The following FLNC variants were observed in gnomAD, a reference collection of about 807,000 sequenced individuals.
FLNC encodes filamin-C.
A neutral mutation model predicts 254.3 loss-of-function variants in FLNC; 91 were observed. The ratio of observed to expected loss-of-function variants is 0.36; its 90% confidence interval spans 0.30 to 0.43. The LOEUF (loss-of-function observed/expected upper bound fraction) is 0.43. Among genes scored for constraint, FLNC ranks in the 20% least tolerant of loss-of-function variants. The pLI is 1.00. For missense variants in FLNC, 2,853 were observed against 3,802.6 expected (o/e 0.75, Z 6.57); for synonymous variants, 1,430 against 1,577.2 (o/e 0.91, Z 2.21).
rs374794518 is a variant in FLNC, at chr7:128,850,835, C to T, written c.5431C>T (p.Arg1811Trp). The stretch of plus-strand genomic sequence containing the variant: ...GCGGATGCCCTCGGGGAAGACGGCA[C>T]GGCCCAACATCACCGACAACAAGGA... The part of the protein sequence containing the change: ...EVRMPSGKTA[R>W]PNITDNKDGT... Residue 1811 changes from arginine to tryptophan, a missense_variant, in exon 33 of 48, where the codon CGG becomes TGG. By Grantham distance (101) the Arg-to-Trp change is moderately radical. Transcript: ENST00000325888. 40 of 1,613,714 alleles carry T rather than the reference C, an allele frequency of 2.5e-5. No homozygotes were observed. The highest frequency in any genetic ancestry group is 5.5e-5 in the South Asian group (5 of 91,068).
intron 1 of FLNC, among the ~76,000 whole-genome samples, chr7:128,833,306 C>T (rs1050647129): frequency 6.6e-6 from 1 of 152,246 alleles, no homozygotes; most frequent in African/African-American, 2.4e-5. Context: ...CAGCCCTCTC[C>T]TCCCCCTCCA....
chr7:128,837,285 A>C, intron 3 of FLNC, 28 bp downstream of exon 3: 1 of 1,507,360 alleles, frequency 6.6e-7, no homozygotes, highest in Non-Finnish European at 9.1e-7. Flanking sequence ...GCAGGGGGGA[A>C]AGGGGGCAGG....
At position 128,845,231 on chromosome 7, in the gene FLNC, T is replaced by C; in HGVS notation, c.3766T>C (p.Ser1256Pro). 1 of 1,613,672 alleles carries C rather than the reference T, an allele frequency of 6.2e-7. No homozygotes were observed. Residue 1256 changes from serine to proline, a missense_variant, in exon 21 of 48, where the codon TCA becomes CCA. Coordinates refer to ENST00000325888, the MANE Select transcript of FLNC (RefSeq NM_001458.5). ...GGTCGATACCAGTGGCGTCAAGGTC[T>C]CAGGGCCTGGTGTTGAGCCACACGG... Reference protein sequence around the residue: ...PAVDTSGVKVSGPGVEPHGVL... With the variant: ...PAVDTSGVKVPGPGVEPHGVL...
Position 128,847,694 on chromosome 7 carries a change from C to T in FLNC, c.4289-3C>T, listed in dbSNP as rs1434127330. 6.2e-7 allele frequency: 1 copy of T among 1,613,948 alleles called. No individual in the cohort carries two copies. ...GCAGGGTCTAATGTCCTTCTCCTCA[C>T]AGGGAGCCCGTTCCGCGTGCCAGTG... is the stretch of plus-strand genomic sequence containing the variant. On this transcript the variant is annotated splice_polypyrimidine_tract_variant and splice_region_variant and intron_variant, in intron 24 of 47. Transcript: ENST00000325888.
At chr7:128,843,773 T>G (rs1437842723) in intron 18 of FLNC, 23 bp from the exon 19 acceptor site, 2 of 1,605,106 alleles carry the variant, frequency 1.2e-6, no homozygotes, top group East Asian at 4.5e-5. Context: ...TATCCAGTTC[T>G]GACCTACCAT....
chr7:128,848,627 C>T lies in FLNC; in HGVS notation c.4647C>T (p.Leu1549=). ...AGGTGCGGGCCAGCGGCCCAGGCCT[C>T]AACGCCTCTGGCATCCCTGCCAGCC... The part of the protein sequence containing the change: ...ASKVRASGPG[L]NASGIPASLP... The change falls in exon 27 of 48, where the codon CTC becomes CTT. Residue 1549 remains leucine, a synonymous_variant. Coordinates refer to ENST00000325888, the MANE Select transcript of FLNC (RefSeq NM_001458.5). The T allele has an allele frequency of 6.2e-7, 1 of 1,613,710 alleles. No homozygotes were observed. The highest frequency in any genetic ancestry group is 8.5e-7 in the Non-Finnish European group (1 of 1,180,030).
Position 128,840,114 on chromosome 7 carries a change from C to T in FLNC, c.1503C>T (p.Thr501=), listed in dbSNP as rs756196607. ...AGGTGGCTGACTTCAAGGTGTTTAC[C>T]AAGGGTGCCGGCAGCGGGGAGCTCA... The part of the protein sequence containing the change: ...VKEVADFKVF[T]KGAGSGELKV... Residue 501 remains threonine, a synonymous_variant, in exon 9 of 48, where the codon ACC becomes ACT. Coordinates refer to ENST00000325888, the MANE Select transcript of FLNC (RefSeq NM_001458.5). The T allele has an allele frequency of 3.1e-6, 5 of 1,614,118 alleles. No homozygotes were observed. The highest frequency in any genetic ancestry group is 4.2e-6 in the Non-Finnish European group (5 of 1,180,034).
At chr7:128,833,942 G>A (rs1463527963) in intron 1 of FLNC, among the ~76,000 whole-genome samples, 3 of 152,170 alleles carry the variant, frequency 2.0e-5, no homozygotes, top group Non-Finnish European at 4.4e-5. Context: ...GGCGGCCAGA[G>A]CCCCAGCCAG....
At chr7:128,846,960 C>A in intron 24 of FLNC, 55 bp downstream of exon 24, 1 of 1,596,776 alleles carries the variant, frequency 6.3e-7, no homozygotes, top group Non-Finnish European at 8.6e-7. Context: ...GTGCAGGATG[C>A]TCGCCCCACA....
At chr7:128,851,021 A>C (rs1808786345) in intron 33 of FLNC, 78 bp downstream of exon 33, 1 of 1,582,472 alleles carries the variant, frequency 6.3e-7, no homozygotes, top group Non-Finnish European at 8.7e-7. Flanking sequence ...TCCCTCTTTC[A>C]ACAAATATTT....
chr7:128,844,046 G>C lies in FLNC; in HGVS notation c.2972G>C (p.Arg991Pro). The C allele has an allele frequency of 1.2e-6, 2 of 1,614,110 alleles. No individual in the cohort carries two copies. Among genetic ancestry groups the C allele is most frequent in the Non-Finnish European group, 1.7e-6 (2 of 1,180,040 alleles). The change falls in exon 20 of 48, where the codon CGA becomes CCA. Residue 991 changes from arginine (R) to proline (P), a missense_variant. Around this residue, in one of 10 missense-constraint regions of FLNC, gnomAD observed 1,573 missense variants for 1,883.5 expected, o/e 0.84. Transcript: ENST00000325888. ...GAACAAGCATTCTCTGTGAACACAC[G>C]AGGGGCTGGCGGTCAGGGCCAACTG... Reference protein sequence around the residue: ...GQEQAFSVNTRGAGGQGQLDV... With the variant: ...GQEQAFSVNTPGAGGQGQLDV...
Position 128,841,009 on chromosome 7 carries a change from G to A in FLNC, c.1813+39G>A. On this transcript the variant is annotated intron_variant, in intron 11 of 47. Coordinates refer to ENST00000325888, the MANE Select transcript of FLNC (RefSeq NM_001458.5). The surrounding 1 kb of genome is among the most constrained non-coding windows in gnomAD (Gnocchi z 4.3). ...GGGCAGGAGGAGGGAGTGCTGCGGG[G>A]GAGGGCAGCAGGGGACACTGTGGGT... 1 of 1,573,238 alleles carries A rather than the reference G, an allele frequency of 6.4e-7. No individual in the cohort carries two copies. Among genetic ancestry groups the A allele is most frequent in the Non-Finnish European group, 8.6e-7 (1 of 1,157,612 alleles).
chr7:128,848,615 C>T lies in FLNC; in HGVS notation c.4635C>T (p.Ser1545=), dbSNP rs371367894. 18 of 1,613,424 alleles carry T rather than the reference C, an allele frequency of 1.1e-5. No homozygotes were observed. The highest frequency in any genetic ancestry group is 4.0e-5 in the African/African-American group (3 of 74,944). The change falls in exon 27 of 48, where the codon AGC becomes AGT. Residue 1545 remains serine, a synonymous_variant. Transcript: ENST00000325888. ...PAHDASKVRA[S]GPGLNASGIP... is the part of the protein sequence containing the mutation. ...ATGATGCCAGCAAGGTGCGGGCCAG[C>T]GGCCCAGGCCTCAACGCCTCTGGCA...
chr7:128,838,121 G>A lies in FLNC; in HGVS notation c.1047+57G>A. On this transcript the variant is annotated intron_variant, in intron 6 of 47. Coordinates refer to ENST00000325888, the MANE Select transcript of FLNC (RefSeq NM_001458.5). ...GCTCTTCACATCCTTGGTTCCGGCT[G>A]CATGGACCCCTCTCTCAGCCTGTAC... is the stretch of plus-strand genomic sequence containing the variant. 9 of 1,531,338 alleles carry A rather than the reference G, an allele frequency of 5.9e-6. No individual in the cohort carries two copies. In the South Asian group the frequency reaches 1.0e-4, roughly 17 times the overall value. 94.9% of individuals were successfully genotyped at this position (1,531,338 alleles called of 1,614,324 possible).
Position 128,830,856 on chromosome 7 carries a change from G to A in FLNC, c.219G>A (p.Leu73=), listed in dbSNP as rs1409909834. 1.2e-6 allele frequency: 2 copies of A among 1,613,134 alleles called. No homozygotes were observed. ...GCGACGGGCTCCGGCTCATCGCGCT[G>A]CTCGAGGTGCTCAGCCAGAAGCGCA... ...DLSDGLRLIA[L]LEVLSQKRMY... Residue 73 remains leucine, a synonymous_variant, in exon 1 of 48, where the codon CTG becomes CTA. Transcript: ENST00000325888.
intron 42 of FLNC, 101 bp from the exon 43 acceptor site, chr7:128,855,098 C>A: frequency 9.3e-7 from 1 of 1,075,580 alleles, no homozygotes; most frequent in Non-Finnish European, 1.4e-6. Context: ...CAGATCTGAG[C>A]GCTGACCACA....
In FLNC at chr7:128,836,788, GA is replaced by G. The variant is rs1454005374; in HGVS notation, c.602-371del. Among the ~76,000 whole-genome samples the G allele has an allele frequency of 1.3e-5, 2 of 152,178 alleles. No homozygotes were observed. The highest frequency in any genetic ancestry group is 3.9e-4 in the East Asian group (2 of 5,194). ...GGGGCATATGTGGGACAGGCACTCT[GA>G]CCTCCTCTGCCCACCCCTGAGAAAG... On this transcript the variant is annotated intron_variant, in intron 2 of 47. Coordinates refer to ENST00000325888, the MANE Select transcript of FLNC (RefSeq NM_001458.5). The surrounding 1 kb of genome is among the most constrained non-coding windows in gnomAD (Gnocchi z 6.0).
In FLNC at chr7:128,838,354, T is replaced by C. The variant is rs746992457; in HGVS notation, c.1135T>C (p.Ser379Pro). ...GMALGDANKV[S>P]ARGPGLEPVG... ...GGCCCTGGGAGATGCCAACAAGGTG[T>C]CAGCCCGTGGCCCTGGCCTGGAACC... Residue 379 changes from serine (S) to proline (P), a missense_variant, in exon 7 of 48, where the codon TCA becomes CCA. Transcript: ENST00000325888. The C allele has an allele frequency of 6.2e-7, 1 of 1,614,030 alleles. No homozygotes were observed. The highest frequency in any genetic ancestry group is 1.1e-5 in the South Asian group (1 of 91,084).
At position 128,841,803 on chromosome 7, in the gene FLNC, A is replaced by T. The variant is rs76879769; in HGVS notation, c.2121+236A>T. On this transcript the variant is annotated intron_variant, in intron 13 of 47. Coordinates refer to ENST00000325888, the MANE Select transcript of FLNC (RefSeq NM_001458.5). The surrounding 1 kb of genome is among the most constrained non-coding windows in gnomAD (Gnocchi z 4.3). ...AGAGTCATTTTTGTGCTAATTTGTA[A>T]TTGAAAGATTGTTTCATTGAATAAG... Among the ~76,000 whole-genome samples the T allele has an allele frequency of 0.15, 23,575 of 152,278 alleles. 2,205 individuals carry two copies. The highest frequency in any genetic ancestry group is 0.25 in the East Asian group (1,278 of 5,176).
Sources: allele counts gnomAD v4.1 joint callset (sites outside exome capture counted in the v4.1 genomes callset), GRCh38; gene constraint gnomAD v4.1.1; regional missense constraint gnomAD v4.1.1; non-coding constraint Gnocchi (gnomAD v3.1); transcripts MANE v1.5; gene names NCBI Gene and HGNC (gene_info 2026-07-23, HGNC 2026-07-21).